The following PXDNL variants were observed in gnomAD, a reference collection of about 807,000 sequenced individuals.
The protein encoded by PXDNL is probable oxidoreductase PXDNL.
A neutral mutation model predicts 150.8 loss-of-function variants in PXDNL; 145 were observed. The observed-to-expected ratio is 0.96, with a 90% CI of 0.84 to 1.10. The LOEUF is 1.10. PXDNL is among the 50% of genes least tolerant of loss of function. The probability of loss-of-function intolerance (pLI) is 0.00; values close to 1 mark genes in which losing one functional copy is unlikely to be tolerated. For missense variants in PXDNL, 2,087 were observed against 1,873.9 expected, an observed-to-expected ratio of 1.11 and a Z score of -2.10; for synonymous variants, 757 against 725.7, an observed-to-expected ratio of 1.04 and a Z score of -0.69.
intron 17 of PXDNL, among the ~76,000 whole-genome samples, chr8:51,377,963 G>C (rs1256786895): frequency 6.6e-6 from 1 of 152,382 alleles, no homozygotes; most frequent in Admixed American, 6.5e-5. Context: ...GGTATCCACT[G>C]GGTGAAGCCA....
At chr8:51,670,534 G>A (rs985355115) in intron 1 of PXDNL, among the ~76,000 whole-genome samples, 2 of 152,072 alleles carry the variant, frequency 1.3e-5, no homozygotes, top group Non-Finnish European at 2.9e-5. Context: ...AACTATTTGT[G>A]TATCTAAACA....
At chr8:51,692,850 C>T (rs1399747747) in intron 1 of PXDNL, among the ~76,000 whole-genome samples, 2 of 152,176 alleles carry the variant, frequency 1.3e-5, no homozygotes, top group East Asian at 3.9e-4. Context: ...GAAAACATGC[C>T]CTAGCAGAGT....
At chr8:51,802,208 C>T (rs922340649) in intron 1 of PXDNL, among the ~76,000 whole-genome samples, 3 of 150,314 alleles carry the variant, frequency 2.0e-5, no homozygotes, top group Admixed American at 1.3e-4. Flanking sequence ...ATGCATAAAA[C>T]AGTCAGAATT....
At chr8:51,525,518 G>A (rs568485997) in intron 4 of PXDNL, among the ~76,000 whole-genome samples, 12 of 152,138 alleles carry the variant, frequency 7.9e-5, no homozygotes, top group Admixed American at 4.6e-4. Context: ...TCCCTCCTCC[G>A]TTTTGGTAAA....
chr8:51,503,967 C>T (rs1011842100), intron 4 of PXDNL, among the ~76,000 whole-genome samples: 7 of 152,146 alleles, frequency 4.6e-5, no homozygotes, highest in Admixed American at 4.6e-4. Context: ...CCTCCTTCAC[C>T]ATACTGGCTG....
chr8:51,611,750 C>T (rs1158084652), intron 2 of PXDNL, among the ~76,000 whole-genome samples: 1 of 151,714 alleles, frequency 6.6e-6, no homozygotes, highest in Non-Finnish European at 1.5e-5. Flanking sequence ...CAGGAGGGAG[C>T]ACGGCTTTCT....
chr8:51,451,498 G>T (rs994410819), intron 10 of PXDNL, among the ~76,000 whole-genome samples: 3 of 152,316 alleles, frequency 2.0e-5, no homozygotes, highest in African/African-American at 7.2e-5. Context: ...CCGAGATGAA[G>T]TGTTTTGCTA....
chr8:51,409,240 G>C lies in PXDNL; in HGVS notation c.2384C>G (p.Pro795Arg). 6.6e-7 allele frequency: 1 copy of C among 1,526,238 alleles called. No individual in the cohort carries two copies. Among genetic ancestry groups the C allele is most frequent in the Non-Finnish European group, 8.8e-7 (1 of 1,141,106 alleles). The allele number at this position is 1,526,238 out of a possible 1,614,324, so 94.5% of individuals were successfully genotyped here. A position where few individuals can be genotyped will look rare whatever the true frequency, so the allele number is the denominator to read the frequency against. Residue 795 changes from proline to arginine, a missense_variant, in exon 17 of 23, where the codon CCC becomes CGC. Pro to Arg is a moderately radical substitution (Grantham distance 103, BLOSUM62 -2). Transcript: ENST00000356297. ...GAGCATGCGCGTGTAGCTGTGGTCG[G>C]GGGTGACGGCCGCCGCGCGCGCCCA... ...TVWARAAAVTPDHSYTRMLMH... is the reference protein window; with the variant it reads ...TVWARAAAVTRDHSYTRMLMH...
At chr8:51,403,650 C>A (rs776844863) in intron 17 of PXDNL, among the ~76,000 whole-genome samples, 3 of 152,186 alleles carry the variant, frequency 2.0e-5, no homozygotes, top group Non-Finnish European at 4.4e-5. Flanking sequence ...TCCTTCTTGG[C>A]ACTCACAGCC....
At chr8:51,529,280 T>C (rs1001477862) in intron 4 of PXDNL, among the ~76,000 whole-genome samples, 6 of 152,206 alleles carry the variant, frequency 3.9e-5, no homozygotes, top group Admixed American at 2.6e-4. Context: ...ACTCACTGTC[T>C]TTCTGGATGC....
At chr8:51,787,402 C>T (rs545982221) in intron 1 of PXDNL, among the ~76,000 whole-genome samples, 3 of 152,260 alleles carry the variant, frequency 2.0e-5, no homozygotes, top group South Asian at 2.1e-4. Flanking sequence ...TAAGAACATT[C>T]GTGATTCATG....
At chr8:51,329,592 G>T (rs1805618738) in intron 21 of PXDNL, among the ~76,000 whole-genome samples, 1 of 152,076 alleles carries the variant, frequency 6.6e-6, no homozygotes, top group African/African-American at 2.4e-5. Context: ...TTATCTGGCA[G>T]GGATAAAAAT....
At chr8:51,627,976 C>T (rs998879476) in intron 2 of PXDNL, among the ~76,000 whole-genome samples, 13 of 152,094 alleles carry the variant, frequency 8.5e-5, no homozygotes, top group Non-Finnish European at 1.8e-4. Flanking sequence ...TCCTCAAAAC[C>T]ATTCTAAAGC....
chr8:51,487,272 A>C (rs1471780409), intron 5 of PXDNL, among the ~76,000 whole-genome samples: 1 of 152,054 alleles, frequency 6.6e-6, no homozygotes, highest in Admixed American at 6.6e-5. Flanking sequence ...ATGAATGAGC[A>C]TTTTCCTCAT....
chr8:51,637,316 A>G (rs1367823053), intron 2 of PXDNL, among the ~76,000 whole-genome samples: 1 of 152,202 alleles, frequency 6.6e-6, no homozygotes, highest in Non-Finnish European at 1.5e-5. Flanking sequence ...AAATGAACGC[A>G]GCTCCTCACC....
At chr8:51,367,758 G>C (rs1264742533) in intron 19 of PXDNL, among the ~76,000 whole-genome samples, 4 of 152,190 alleles carry the variant, frequency 2.6e-5, no homozygotes, top group African/African-American at 9.6e-5. Flanking sequence ...ATTTAGTTAA[G>C]GGCAAAAAGA....
chr8:51,350,088 C>T (rs891922777), intron 19 of PXDNL, among the ~76,000 whole-genome samples: 49 of 151,914 alleles, frequency 3.2e-4, no homozygotes, highest in Middle Eastern at 3.4e-3. Flanking sequence ...GACACGGACA[C>T]ACACGAGGAG....
In PXDNL at chr8:51,409,077, G is replaced by A. The variant is rs1309161953; in HGVS notation, c.2547C>T (p.His849=). The part of the protein sequence containing the change: ...DPPCFPMNTR[H]ADPRGTHAPC... ...GCGCGTGGGTGCCCCGGGGGTCGGC[G>A]TGCCGGGTGTTCATGGGGAAACAAG... Residue 849 remains histidine, a synonymous_variant, in exon 17 of 23, where the codon CAC becomes CAT. Coordinates refer to ENST00000356297, the MANE Select transcript of PXDNL (RefSeq NM_144651.5). 1.2e-6 allele frequency: 2 copies of A among 1,609,478 alleles called. No homozygotes were observed. The highest frequency in any genetic ancestry group is 1.3e-5 in the African/African-American group (1 of 74,908).
chr8:51,591,383 G>A (rs28475081), intron 3 of PXDNL, among the ~76,000 whole-genome samples: 4,517 of 152,242 alleles, frequency 0.03, 237 homozygotes, highest in African/African-American at 0.1. Flanking sequence ...TAGCAGAGCT[G>A]TGGGAGACCT....
Sources: allele counts gnomAD v4.1 joint callset (sites outside exome capture counted in the v4.1 genomes callset), GRCh38; gene constraint gnomAD v4.1.1; transcripts MANE v1.5; gene names NCBI Gene and HGNC (gene_info 2026-07-23, HGNC 2026-07-21).